The following OCA2 variants were observed in gnomAD, a reference collection of about 807,000 sequenced individuals.
OCA2 encodes the protein OCA2 melanosomal transmembrane protein.
Under a neutral mutation model 100.2 loss-of-function variants are expected in OCA2, and 77 were observed. The ratio of observed to expected loss-of-function variants is 0.77; its 90% confidence interval spans 0.64 to 0.93. The LOEUF (loss-of-function observed/expected upper bound fraction) is 0.93, where lower values mean the gene tolerates loss of function less well. Ranked by LOEUF, OCA2 falls within the 40% of genes least tolerant of loss-of-function variation. The pLI is 0.00. For synonymous variants in OCA2, 432 were observed against 439.2 expected (o/e 0.98, Z 0.21); for missense variants, 1,062 against 1,089.1 (o/e 0.98, Z 0.35).
At chr15:27,874,872 T>C (rs1345382858) in intron 19 of OCA2, among the ~76,000 whole-genome samples, 1 of 152,038 alleles carries the variant, frequency 6.6e-6, no homozygotes. Context: ...TAAATCATAA[T>C]AGAAATTTAA....
At chr15:27,792,954 GCACA>G (rs2033154493) in intron 23 of OCA2, among the ~76,000 whole-genome samples, 1 of 152,228 alleles carries the variant, frequency 6.6e-6, no homozygotes, top group Non-Finnish European at 1.5e-5. Context: ...CTGGCGTCCA[GCACA>G]ACTTCAGAGG....
chr15:27,751,133 T>A (rs1244026663), downstream of OCA2, among the ~76,000 whole-genome samples: 2 of 152,194 alleles, frequency 1.3e-5, no homozygotes, highest in Admixed American at 1.3e-4. Context: ...TGGTTTTAAA[T>A]TTTCCCTGAT....
At chr15:27,950,820 T>A (rs1405559491) in intron 18 of OCA2, among the ~76,000 whole-genome samples, 1 of 152,182 alleles carries the variant, frequency 6.6e-6, no homozygotes, top group African/African-American at 2.4e-5. Flanking sequence ...TTTACAAAAT[T>A]AAGAGGCTTC....
intron 23 of OCA2, among the ~76,000 whole-genome samples, chr15:27,770,444 C>A (rs1024789554): frequency 9.9e-5 from 15 of 152,208 alleles, no homozygotes; most frequent in African/African-American, 3.6e-4. Context: ...GTCTGCTCTC[C>A]CTGAGAACCG....
chr15:27,823,114 G>A (rs778304760), intron 23 of OCA2, among the ~76,000 whole-genome samples: 2 of 152,220 alleles, frequency 1.3e-5, no homozygotes, highest in African/African-American at 4.8e-5. Flanking sequence ...AATAAAATTC[G>A]TTGATACTGA....
At chr15:27,900,426 G>A (rs1052061031) in intron 19 of OCA2, among the ~76,000 whole-genome samples, 1 of 152,166 alleles carries the variant, frequency 6.6e-6, no homozygotes, top group African/African-American at 2.4e-5. Context: ...ATCCTTATGA[G>A]CGGCCCGTCC....
chr15:28,048,800 G>T (rs1020773734), intron 2 of OCA2, among the ~76,000 whole-genome samples: 2 of 128,574 alleles, frequency 1.6e-5, no homozygotes, highest in Admixed American at 1.4e-4. Context: ...GAGTTCAGGA[G>T]TTTGAGACCA....
chr15:27,772,161 G>A (rs944188654), intron 23 of OCA2, among the ~76,000 whole-genome samples: 4 of 152,192 alleles, frequency 2.6e-5, no homozygotes, highest in Admixed American at 2.6e-4. Context: ...TGAACAACTA[G>A]CCAACCTCTC....
At chr15:27,739,472 G>A in the OCA2 span, among the ~76,000 whole-genome samples, 1 of 118,936 alleles carries the variant, frequency 8.4e-6, no homozygotes, top group Non-Finnish European at 1.6e-5. Context: ...TTGAGACAGA[G>A]TCTCACTCTG....
rs572323420 is a variant in OCA2, at chr15:27,897,042, T to C, written c.2080-25120A>G. 2.6e-3 allele frequency among the ~76,000 whole-genome samples: 389 copies of C among 152,016 alleles called. 1 individual carries two copies. The highest frequency in any genetic ancestry group is 4.7e-3 in the Non-Finnish European group (317 of 67,948). The stretch of plus-strand genomic sequence containing the variant: ...TGTCTCTACTAAAAATACAAAAAAT[T>C]AGCCGGGTGTGGTGGTGGGTGCCTG... On this transcript the variant is annotated intron_variant, in intron 19 of 23. Transcript: ENST00000354638.
At chr15:28,029,072 G>A (rs2042838213) in intron 3 of OCA2, among the ~76,000 whole-genome samples, 1 of 152,126 alleles carries the variant, frequency 6.6e-6, no homozygotes, top group Non-Finnish European at 1.5e-5. Context: ...CCAAAAGCCA[G>A]AATTTTCATG....
chr15:27,983,486 G>A lies in OCA2; in HGVS notation c.1365-3C>T. On this transcript the variant is annotated splice_region_variant and splice_polypyrimidine_tract_variant and intron_variant, in intron 13 of 23. Coordinates refer to ENST00000354638, the MANE Select transcript of OCA2 (RefSeq NM_000275.3). Reference sequence around the variant, plus strand: ...CAAGGTTGAGCACCTCACACAACCTGTCACAAATGGAGGAAAATGAAAGTA... The same window carrying A: ...CAAGGTTGAGCACCTCACACAACCTATCACAAATGGAGGAAAATGAAAGTA... 1.2e-6 allele frequency: 2 copies of A among 1,614,102 alleles called. No homozygotes were observed. The highest frequency in any genetic ancestry group is 1.3e-5 in the African/African-American group (1 of 75,030).
At position 27,871,193 on chromosome 15, in the gene OCA2, C is replaced by T. The variant is rs146641083; in HGVS notation, c.2205G>A (p.Ala735=). 8.9e-5 allele frequency: 144 copies of T among 1,613,916 alleles called. No individual in the cohort carries two copies. Among genetic ancestry groups the T allele is most frequent in the Non-Finnish European group, 9.6e-5 (113 of 1,179,994 alleles). ...ACGGGATGTTGTCAATCAGGGACGA[C>T]GCCAGGGCTGAGACCCACACCACCA... ...IVLVVWVSAL[A]SSLIDNIPFT... The change falls in exon 21 of 24, where the codon GCG becomes GCA. Residue 735 remains alanine, a synonymous_variant. Coordinates refer to ENST00000354638, the MANE Select transcript of OCA2 (RefSeq NM_000275.3).
intron 23 of OCA2, among the ~76,000 whole-genome samples, chr15:27,782,121 G>C (rs1030624779): frequency 3.0e-4 from 45 of 152,164 alleles, no homozygotes; most frequent in African/African-American, 1.1e-3. Context: ...TGAATATCAT[G>C]ATAGTCTTTC....
At chr15:27,990,379 T>C (rs888044964) in intron 10 of OCA2, among the ~76,000 whole-genome samples, 197 bp downstream of exon 10, 2 of 152,190 alleles carry the variant, frequency 1.3e-5, no homozygotes, top group Non-Finnish European at 2.9e-5. Context: ...GGGATGTGAG[T>C]GTGTGACAAA....
intron 18 of OCA2, among the ~76,000 whole-genome samples, chr15:27,943,853 T>C (rs1040015345): frequency 6.6e-6 from 1 of 152,112 alleles, no homozygotes; most frequent in African/African-American, 2.4e-5. Flanking sequence ...TTGTCGCACC[T>C]TGCCGGACTG....
the OCA2 span, among the ~76,000 whole-genome samples, chr15:27,727,433 G>A: frequency 6.6e-6 from 1 of 152,322 alleles, no homozygotes; most frequent in Non-Finnish European, 1.5e-5. Context: ...GATCACAGAT[G>A]TTACCCTCTC....
At chr15:28,074,449 C>A (rs535019697) in intron 2 of OCA2, among the ~76,000 whole-genome samples, 49 of 151,834 alleles carry the variant, frequency 3.2e-4, no homozygotes, top group African/African-American at 1.2e-3. Flanking sequence ...CCGAGGCGGG[C>A]GGATCACGAG....
At chr15:27,992,574 G>A (rs776902663) in intron 9 of OCA2, among the ~76,000 whole-genome samples, 1 of 151,942 alleles carries the variant, frequency 6.6e-6, no homozygotes, top group African/African-American at 2.4e-5. Flanking sequence ...GCCCTACAGA[G>A]AACAAGGCGA....
Sources: gnomAD v4.1 joint callset for allele counts (sites outside exome capture counted in the v4.1 genomes callset) on GRCh38, gnomAD v4.1.1 for gene constraint, MANE v1.5 for transcripts, NCBI Gene and HGNC (gene_info 2026-07-23, HGNC 2026-07-21) for gene names.